The following EYA1 variants were observed in gnomAD, a reference collection of about 807,000 sequenced individuals.
EYA1 encodes EYA transcriptional coactivator and phosphatase 1, also known as protein phosphatase EYA1.
In EYA1, 16 loss-of-function variants were observed where a neutral mutation model predicts 82.0. The observed-to-expected ratio is 0.20, with a 90% CI of 0.13 to 0.30. The LOEUF is 0.30. Ranked by LOEUF, EYA1 falls within the 10% of genes least tolerant of loss-of-function variation. The probability of loss-of-function intolerance (pLI) is 1.00; values close to 1 mark genes in which losing one functional copy is unlikely to be tolerated. For missense variants in EYA1, 633 were observed against 730.7 expected (o/e 0.87, Z 1.54); for synonymous variants, 261 against 264.4 (o/e 0.99, Z 0.12).
intron 2 of EYA1, among the ~76,000 whole-genome samples, chr8:71,401,115 G>A (rs912332271): frequency 2.0e-5 from 3 of 152,084 alleles, no homozygotes; most frequent in African/African-American, 4.8e-5. Flanking sequence ...GGAGGGGAAC[G>A]AACACACTGG....
intron 17 of EYA1, 77 bp downstream of exon 17, chr8:71,211,079 T>G (rs968087566): frequency 2.2e-6 from 2 of 912,534 alleles, no homozygotes; most frequent in African/African-American, 3.3e-5. Flanking sequence ...ATGGAACCTG[T>G]TTAAATGATC....
intron 9 of EYA1, among the ~76,000 whole-genome samples, chr8:71,288,095 G>A (rs1235413906): frequency 6.6e-6 from 1 of 152,168 alleles, no homozygotes; most frequent in Non-Finnish European, 1.5e-5. Context: ...CTGGTCAAGA[G>A]ACATTCATAG....
At chr8:71,535,043 G>A (rs1033705993) in intron 2 of EYA1, among the ~76,000 whole-genome samples, 6 of 152,002 alleles carry the variant, frequency 3.9e-5, no homozygotes, top group East Asian at 1.9e-4. Context: ...GAAATTTTCC[G>A]AGAAAACAAC....
At chr8:71,208,461 C>T (rs1007798371) in intron 17 of EYA1, among the ~76,000 whole-genome samples, 80 of 152,202 alleles carry the variant, frequency 5.3e-4, no homozygotes, top group African/African-American at 1.9e-3. Context: ...GAACCTCAGC[C>T]TATTTCCAGT....
chr8:71,246,020 GT>G (rs1160348076), intron 11 of EYA1, among the ~76,000 whole-genome samples: 4 of 152,188 alleles, frequency 2.6e-5, no homozygotes, highest in Admixed American at 2.6e-4. Context: ...GGTATTTGCA[GT>G]TTTATCCTGT....
chr8:71,310,533 G>C lies in EYA1; in HGVS notation c.556+7019C>G, dbSNP rs562285490. 5.3e-4 allele frequency among the ~76,000 whole-genome samples: 80 copies of C among 152,208 alleles called. 1 individual carries two copies. The highest frequency in any genetic ancestry group is 1.9e-3 in the African/African-American group (77 of 41,540). ...ATGGTAGCTGGTTTTCTGTTCTTGT[G>C]TTAGTTTGCTAAGGATAATGGCCTC... On this transcript the variant is annotated intron_variant, in intron 7 of 17. Coordinates refer to ENST00000340726, the MANE Select transcript of EYA1 (RefSeq NM_000503.6).
intron 2 of EYA1, among the ~76,000 whole-genome samples, chr8:71,371,188 C>T (rs771067875): frequency 2.0e-5 from 3 of 152,162 alleles, no homozygotes; most frequent in Non-Finnish European, 4.4e-5. Context: ...CTTTTCTCCA[C>T]TCTACATAGT....
At chr8:71,484,092 A>G (rs1318896122) in intron 2 of EYA1, among the ~76,000 whole-genome samples, 31 of 152,216 alleles carry the variant, frequency 2.0e-4, no homozygotes, top group Admixed American at 2.0e-3. Flanking sequence ...CTGGTCCAGG[A>G]AGGTAATATA....
intron 3 of EYA1, among the ~76,000 whole-genome samples, chr8:71,342,344 C>G (rs986723193): frequency 1.3e-5 from 2 of 152,168 alleles, no homozygotes; most frequent in African/African-American, 4.8e-5. Context: ...GGTCTCCTCA[C>G]AGTCTCCCAA....
chr8:71,541,284 A>G (rs912809579), intron 1 of EYA1, among the ~76,000 whole-genome samples: 1 of 152,246 alleles, frequency 6.6e-6, no homozygotes, highest in Non-Finnish European at 1.5e-5. Flanking sequence ...TTTCTACAGA[A>G]GTAAATGTAT....
chr8:71,452,124 C>A lies in EYA1; in HGVS notation c.33+83620G>T, dbSNP rs189982446. 3.0e-3 allele frequency among the ~76,000 whole-genome samples: 464 copies of A among 152,362 alleles called. 2 individuals are homozygous for A. Among genetic ancestry groups the A allele is most frequent in the African/African-American group, 0.011 (438 of 41,582 alleles). On this transcript the variant is annotated intron_variant, in intron 2 of 18. Transcript: ENST00000643681. ...CAAATGGCACACCAGGAGATTATATCCCACGCATGGCTTGGAGGGTCCCAC... is the reference window on the plus strand; with the variant it reads ...CAAATGGCACACCAGGAGATTATATACCACGCATGGCTTGGAGGGTCCCAC...
chr8:71,298,561 T>C (rs1308526771), intron 9 of EYA1, among the ~76,000 whole-genome samples: 2 of 152,208 alleles, frequency 1.3e-5, no homozygotes, highest in African/African-American at 4.8e-5. Flanking sequence ...CCCAAACTCA[T>C]GACACATTGT....
intron 12 of EYA1, among the ~76,000 whole-genome samples, chr8:71,240,471 T>C (rs926554267): frequency 6.0e-4 from 92 of 152,242 alleles, no homozygotes; most frequent in African/African-American, 2.2e-3. Flanking sequence ...ACAGCTTTGC[T>C]ACTAACGGGG....
chr8:71,423,688 T>A (rs781017543), intron 2 of EYA1, among the ~76,000 whole-genome samples: 6 of 152,226 alleles, frequency 3.9e-5, no homozygotes, highest in Admixed American at 6.5e-5. Flanking sequence ...GTGTTTCAAA[T>A]ATACAATACC....
At position 71,243,649 on chromosome 8, in the gene EYA1, A is replaced by G. The variant is rs183840130; in HGVS notation, c.1140+954T>C. ...ACAGATGTTGAACAAACCGCATTTA[A>G]GTTCTGTCACACACTGGCATTTTTC... On this transcript the variant is annotated intron_variant, in intron 12 of 17. Coordinates refer to ENST00000340726, the MANE Select transcript of EYA1 (RefSeq NM_000503.6). 7.9e-5 allele frequency among the ~76,000 whole-genome samples: 12 copies of G among 152,356 alleles called. No homozygotes were observed. In the East Asian group the frequency reaches 2.1e-3, roughly 27 times the overall value.
intron 17 of EYA1, among the ~76,000 whole-genome samples, chr8:71,208,073 G>A (rs1808039260): frequency 1.3e-5 from 2 of 152,154 alleles, no homozygotes; most frequent in South Asian, 4.1e-4. Flanking sequence ...AATCAGTGAG[G>A]CAAACATTTA....
At chr8:71,336,252 G>A (rs1362426037) in intron 3 of EYA1, among the ~76,000 whole-genome samples, 2 of 152,290 alleles carry the variant, frequency 1.3e-5, no homozygotes, top group African/African-American at 2.4e-5. Context: ...CAACAAGGCT[G>A]CTGGGGCACA....
chr8:71,360,619 TTTGATAATG>T (rs1827286239), intron 1 of EYA1, among the ~76,000 whole-genome samples: 1 of 152,156 alleles, frequency 6.6e-6, no homozygotes, highest in East Asian at 1.9e-4. Context: ...ATATCAAATA[TTTGATAATG>T]CAAAAGCATG....
At chr8:71,438,647 T>C (rs1806178047) in intron 2 of EYA1, among the ~76,000 whole-genome samples, 2 of 151,922 alleles carry the variant, frequency 1.3e-5, no homozygotes, top group African/African-American at 2.4e-5. Flanking sequence ...GCCTGAAATG[T>C]GGAGAGTGTG....
Sources: allele counts gnomAD v4.1 joint callset (sites outside exome capture counted in the v4.1 genomes callset), GRCh38; gene constraint gnomAD v4.1.1; transcripts MANE v1.5; gene names NCBI Gene and HGNC (gene_info 2026-07-23, HGNC 2026-07-21).